RNF128: variants seen among roughly 807,000 people sequenced by gnomAD.
The protein encoded by RNF128 is ring finger protein 128, also known as E3 ubiquitin-protein ligase RNF128.
RNF128 carries 13 observed loss-of-function variants against 26.2 expected under a neutral mutation model. That is an observed-to-expected ratio of 0.50 (90% confidence interval 0.32 to 0.79). The LOEUF is 0.79. RNF128 is among the 30% of genes least tolerant of loss of function. The pLI is 0.03. For missense variants in RNF128, 315 were observed against 349.7 expected (o/e 0.90, Z 0.79); for synonymous variants, 149 against 142.5 (o/e 1.05, Z -0.32).
rs140750738 is a variant in RNF128 at position 106,744,962 on chromosome X, G to T, written c.484+17565G>T. Reference sequence around the variant, plus strand: ...GATACGTTAAACATAACCACTAGTGGAAGTCAGAATAGTTCAAGCAGGATC... The same window carrying T: ...GATACGTTAAACATAACCACTAGTGTAAGTCAGAATAGTTCAAGCAGGATC... On this transcript the variant is annotated intron_variant, in intron 1 of 6. Coordinates refer to ENST00000255499, the MANE Select transcript of RNF128 (RefSeq NM_194463.2). 1.7e-3 allele frequency among the ~76,000 whole-genome samples: 192 copies of T among 111,332 alleles called. 2 individuals are homozygous for T. Among genetic ancestry groups the T allele is most frequent in the African/African-American group, 5.9e-3 (182 of 30,709 alleles).
At chrX:106,780,880 A>G (rs901880680) in intron 2 of RNF128, among the ~76,000 whole-genome samples, 4 of 112,116 alleles carry the variant, frequency 3.6e-5, no homozygotes, top group South Asian at 3.7e-4. Context: ...TTTCTTGTCT[A>G]TAAAACTTGG....
chrX:106,727,573 C>CAA (rs1275077280), intron 1 of RNF128, among the ~76,000 whole-genome samples, 176 bp downstream of exon 1: 3 of 107,919 alleles, frequency 2.8e-5, no homozygotes, highest in Non-Finnish European at 3.9e-5. Flanking sequence ...GGGTGTTGGG[C>CAA]AAAAAAAAAT....
intron 1 of RNF128, among the ~76,000 whole-genome samples, chrX:106,752,050 C>T (rs1341501047): frequency 1.8e-5 from 2 of 109,360 alleles, no homozygotes; most frequent in African/African-American, 3.3e-5. Context: ...AATAAAGCAC[C>T]GAATAGATTC....
At chrX:106,788,279 T>C (rs1439052805) in intron 4 of RNF128, among the ~76,000 whole-genome samples, 3 of 69,243 alleles carry the variant, frequency 4.3e-5, no homozygotes, top group African/African-American at 1.7e-4. Flanking sequence ...ATATGTATTA[T>C]ATATATATTA....
At chrX:106,696,470 T>A (rs934165490) in intron 1 of RNF128, among the ~76,000 whole-genome samples, 3 of 111,515 alleles carry the variant, frequency 2.7e-5, no homozygotes, top group African/African-American at 9.8e-5. Context: ...AGACTGTCAT[T>A]ATTTTATGCC....
Position 106,727,229 on chromosome X carries a change from A to C in RNF128, c.316A>C (p.Thr106Pro), listed in dbSNP as rs1009059064. ...CNPHTNFTVPTVWGSTVQVSW... is the reference protein window; with the variant it reads ...CNPHTNFTVPPVWGSTVQVSW... ...CCCGCACACGAATTTCACGGTGCCC[A>C]CGGTTTGGGGAAGCACCGTGCAAGT... The change falls in exon 1 of 7, where the codon ACG becomes CCG. Residue 106 changes from threonine (T) to proline (P), a missense_variant. Thr to Pro is a conservative substitution (Grantham distance 38, BLOSUM62 -1). Transcript: ENST00000255499. 10 of 1,211,438 alleles carry C rather than the reference A, an allele frequency of 8.3e-6. No individual in the cohort carries two copies. Among genetic ancestry groups the C allele is most frequent in the Non-Finnish European group, 1.1e-5 (10 of 895,357 alleles).
At chrX:106,771,459 G>A (rs761481824) in intron 1 of RNF128, among the ~76,000 whole-genome samples, 209 of 112,777 alleles carry the variant, frequency 1.9e-3, no homozygotes, top group Non-Finnish European at 3.2e-3. Context: ...AATGGCGTAC[G>A]CCCCTCCCCC....
intron 1 of RNF128, among the ~76,000 whole-genome samples, chrX:106,706,463 CAA>C (rs1929045231): frequency 9.0e-6 from 1 of 111,721 alleles, no homozygotes; most frequent in Non-Finnish European, 1.9e-5. Context: ...TTTGTCCTCC[CAA>C]GTTTTACATT....
chrX:106,708,271 A>G (rs1929074678), intron 1 of RNF128, among the ~76,000 whole-genome samples: 2 of 111,914 alleles, frequency 1.8e-5, no homozygotes, highest in African/African-American at 6.5e-5. Context: ...CTGTTTCTAT[A>G]TAAAGCTCTG....
At chrX:106,770,330 T>C (rs954905996) in intron 1 of RNF128, among the ~76,000 whole-genome samples, 21 of 111,951 alleles carry the variant, frequency 1.9e-4, no homozygotes, top group African/African-American at 6.8e-4. Flanking sequence ...GATAATCTCC[T>C]GAAGAGTATT....
At position 106,700,752 on chromosome X, in the gene RNF128, G is replaced by T. The variant is rs372229752; in HGVS notation, c.406+6344G>T. Among the ~76,000 whole-genome samples the T allele has an allele frequency of 1.8e-4, 20 of 111,102 alleles. No individual in the cohort carries two copies. The East Asian group carries it at 5.1e-3, about 28-fold the overall frequency. ...TTTCTATTCATTTTTGCATATATAC[G>T]TACAGAAAACACGTAGTCAATTTGT... On this transcript the variant is annotated intron_variant, in intron 1 of 6. Coordinates refer to the RNF128 transcript ENST00000324342.
intron 1 of RNF128, among the ~76,000 whole-genome samples, chrX:106,743,886 A>T (rs1244947931): frequency 5.4e-5 from 6 of 111,970 alleles, no homozygotes; most frequent in Non-Finnish European, 1.1e-4. Context: ...GGATTAAGAA[A>T]ATGTGGCACA....
intron 1 of RNF128, among the ~76,000 whole-genome samples, chrX:106,706,283 C>A (rs1162006895): frequency 1.8e-5 from 2 of 110,203 alleles, no homozygotes; most frequent in African/African-American, 3.3e-5. Flanking sequence ...TAAAAGAAGG[C>A]AAAACTGTGA....
At chrX:106,766,292 C>T (rs1180341209) in intron 1 of RNF128, among the ~76,000 whole-genome samples, 1 of 112,132 alleles carries the variant, frequency 8.9e-6, no homozygotes, top group East Asian at 2.8e-4. Flanking sequence ...AATCGCCACA[C>T]TGTCTTCCAC....
intron 1 of RNF128, among the ~76,000 whole-genome samples, chrX:106,764,625 C>T (rs1287038267): frequency 1.8e-5 from 2 of 110,768 alleles, no homozygotes; most frequent in Admixed American, 9.6e-5. Flanking sequence ...CAAGATTGCA[C>T]CACTGCACTC....
intron 1 of RNF128, among the ~76,000 whole-genome samples, chrX:106,765,754 A>G (rs997154232): frequency 9.0e-6 from 1 of 111,282 alleles, no homozygotes; most frequent in African/African-American, 3.3e-5. Context: ...TCTAGGCTAC[A>G]TGTGCACAAC....
At chrX:106,728,280 G>C (rs763990808) in intron 1 of RNF128, among the ~76,000 whole-genome samples, 16 of 111,819 alleles carry the variant, frequency 1.4e-4, no homozygotes, top group Non-Finnish European at 2.4e-4. Flanking sequence ...TGTAATAGCA[G>C]TGTATCATAG....
Position 106,730,273 on chromosome X carries a change from ATT to A in RNF128, c.484+2879_484+2880del, listed in dbSNP as rs746711148. On this transcript the variant is annotated intron_variant, in intron 1 of 6. Transcript: ENST00000255499. ...ATCAACTCATGCAGTTTATTTCTGT[ATT>A]TTGTTTGCAGAGTATTCAGAAAATT... Among the ~76,000 whole-genome samples the A allele has an allele frequency of 2.7e-3, 307 of 112,473 alleles. 2 individuals carry two copies. Among genetic ancestry groups the A allele is most frequent in the African/African-American group, 9.7e-3 (300 of 31,059 alleles).
At chrX:106,694,690 A>C (rs1308168911) in intron 1 of RNF128, among the ~76,000 whole-genome samples, 1 of 111,634 alleles carries the variant, frequency 9.0e-6, no homozygotes, top group Non-Finnish European at 1.9e-5. Context: ...GCTTTTTAAT[A>C]AACTGTGCCT....
Sources: gnomAD v4.1 joint callset for allele counts (sites outside exome capture counted in the v4.1 genomes callset) on GRCh38, gnomAD v4.1.1 for gene constraint, MANE v1.5 for transcripts, NCBI Gene and HGNC (gene_info 2026-07-23, HGNC 2026-07-21) for gene names.